KCNH7: variants seen among roughly 807,000 people sequenced by gnomAD.
KCNH7 encodes the protein voltage-gated inwardly rectifying potassium channel KCNH7.
KCNH7 carries 49 observed loss-of-function variants against 120.8 expected under a neutral mutation model. The ratio of observed to expected loss-of-function variants is 0.41; its 90% confidence interval spans 0.32 to 0.51. The LOEUF (loss-of-function observed/expected upper bound fraction) is 0.51, where lower values mean the gene tolerates loss of function less well. Among genes scored for constraint, KCNH7 ranks in the 20% least tolerant of loss-of-function variants. KCNH7 has a pLI of 0.38. For missense variants in KCNH7, 1,097 were observed against 1,446.6 expected, an observed-to-expected ratio of 0.76 and a Z score of 3.92; for synonymous variants, 547 against 516.1, an observed-to-expected ratio of 1.06 and a Z score of -0.81.
chr2:162,679,899 T>C lies in KCNH7; in HGVS notation c.308-142819A>G, dbSNP rs543059157. ...CTAAAAATGTATTTAAAGTTTGTAA[T>C]GTCTTTGGAATTTACAAATTTAAGG... On this transcript the variant is annotated intron_variant, in intron 2 of 15. Transcript: ENST00000332142. Among the ~76,000 whole-genome samples, 3 of 151,916 alleles carry C rather than the reference T, an allele frequency of 2.0e-5. No individual in the cohort carries two copies. In the Admixed American group the frequency reaches 2.0e-4, roughly 10 times the overall value.
chr2:162,837,251 T>C (rs1455558907), intron 1 of KCNH7, among the ~76,000 whole-genome samples: 1 of 152,234 alleles, frequency 6.6e-6, no homozygotes. Flanking sequence ...CTCTTAGGCA[T>C]GTTACACACA....
chr2:162,564,925 G>T (rs1693200719), intron 2 of KCNH7, among the ~76,000 whole-genome samples: 2 of 152,046 alleles, frequency 1.3e-5, no homozygotes, highest in South Asian at 2.1e-4. Flanking sequence ...TAACTCTAAT[G>T]TTGGGCTAGA....
chr2:162,800,806 T>A (rs182017650), intron 2 of KCNH7, among the ~76,000 whole-genome samples: 174 of 152,038 alleles, frequency 1.1e-3, no homozygotes, highest in Non-Finnish European at 1.5e-4. Context: ...ACCCTTATGA[T>A]GTTGCAGAAC....
chr2:162,584,846 AT>A (rs34171829), intron 2 of KCNH7, among the ~76,000 whole-genome samples: 84,609 of 136,332 alleles, frequency 0.62, 26,720 homozygotes, highest in African/African-American at 0.82. Context: ...TCTCCTTTTA[AT>A]TTTTTTTTTT....
At chr2:162,730,354 A>G (rs1485253547) in intron 2 of KCNH7, among the ~76,000 whole-genome samples, 1 of 151,336 alleles carries the variant, frequency 6.6e-6, no homozygotes, top group Admixed American at 6.6e-5. Flanking sequence ...TAAAAATTAC[A>G]TACTAGATAC....
At chr2:162,420,518 G>A (rs1362140007) in intron 9 of KCNH7, among the ~76,000 whole-genome samples, 1 of 152,164 alleles carries the variant, frequency 6.6e-6, no homozygotes, top group Non-Finnish European at 1.5e-5. Context: ...TGTTCCCACA[G>A]TGCTTTAAGT....
chr2:162,651,942 C>T (rs1409066757), intron 2 of KCNH7, among the ~76,000 whole-genome samples: 1 of 152,166 alleles, frequency 6.6e-6, no homozygotes, highest in Non-Finnish European at 1.5e-5. Flanking sequence ...ATTTGCATTT[C>T]TCTAATGATC....
chr2:162,558,654 G>A (rs897318469), intron 2 of KCNH7, among the ~76,000 whole-genome samples: 1 of 151,832 alleles, frequency 6.6e-6, no homozygotes. Flanking sequence ...CATGGTGATG[G>A]TAATAATGGT....
intron 9 of KCNH7, among the ~76,000 whole-genome samples, chr2:162,417,372 A>G (rs1322485098): frequency 1.3e-5 from 2 of 152,150 alleles, no homozygotes; most frequent in Non-Finnish European, 2.9e-5. Context: ...AACTGAATTG[A>G]GTTGAATTAT....
intron 5 of KCNH7, among the ~76,000 whole-genome samples, chr2:162,511,687 T>C (rs1275355580): frequency 6.6e-6 from 1 of 151,624 alleles, no homozygotes; most frequent in Non-Finnish European, 1.5e-5. Flanking sequence ...TTCATAACCA[T>C]CACCAGCTCT....
chr2:162,567,310 C>A (rs2105891461), intron 2 of KCNH7, among the ~76,000 whole-genome samples: 1 of 151,976 alleles, frequency 6.6e-6, no homozygotes. Flanking sequence ...TTCTTCCTGC[C>A]TTCCTTTCAG....
intron 3 of KCNH7, among the ~76,000 whole-genome samples, chr2:162,531,628 T>A (rs1268465335): frequency 6.6e-6 from 1 of 151,926 alleles, no homozygotes; most frequent in Non-Finnish European, 1.5e-5. Flanking sequence ...GGGTAAGAAG[T>A]TTTTTATGGT....
intron 2 of KCNH7, among the ~76,000 whole-genome samples, chr2:162,766,250 T>C (rs1202150989): frequency 6.6e-6 from 1 of 152,128 alleles, no homozygotes; most frequent in Non-Finnish European, 1.5e-5. Flanking sequence ...ATCAGGAAAG[T>C]TCAATTTCAG....
chr2:162,817,227 A>AC (rs951721376), intron 2 of KCNH7, among the ~76,000 whole-genome samples: 11 of 151,698 alleles, frequency 7.3e-5, no homozygotes, highest in African/African-American at 2.4e-4. Context: ...TCAATCCTTA[A>AC]CCCCCCGTCC....
intron 2 of KCNH7, among the ~76,000 whole-genome samples, chr2:162,729,132 A>T (rs771595058): frequency 3.4e-4 from 51 of 149,736 alleles, no homozygotes; most frequent in Non-Finnish European, 6.2e-4. Flanking sequence ...TCATCGATCT[A>T]TATGATTGTC....
At chr2:162,836,018 C>T (rs967163156) in intron 2 of KCNH7, among the ~76,000 whole-genome samples, 1 of 152,066 alleles carries the variant, frequency 6.6e-6, no homozygotes, top group Non-Finnish European at 1.5e-5. Flanking sequence ...GTAAAAGTTC[C>T]TATTTATCAT....
intron 2 of KCNH7, among the ~76,000 whole-genome samples, chr2:162,720,809 T>C (rs1687300222): frequency 1.3e-5 from 2 of 152,154 alleles, no homozygotes; most frequent in Non-Finnish European, 2.9e-5. Context: ...GTCTTCGACA[T>C]GAGTGACTCC....
At chr2:162,587,593 A>G (rs767555319) in intron 2 of KCNH7, among the ~76,000 whole-genome samples, 23 of 152,214 alleles carry the variant, frequency 1.5e-4, no homozygotes, top group Admixed American at 1.1e-3. Flanking sequence ...ACACACACGC[A>G]AGCACATTGT....
chr2:162,417,209 G>C (rs1289424273), intron 9 of KCNH7, among the ~76,000 whole-genome samples: 1 of 152,116 alleles, frequency 6.6e-6, no homozygotes, highest in African/African-American at 2.4e-5. Flanking sequence ...TGGATGCTTT[G>C]ATTCCATTAG....
Sources: allele counts gnomAD v4.1 joint callset (sites outside exome capture counted in the v4.1 genomes callset), GRCh38; gene constraint gnomAD v4.1.1; transcripts MANE v1.5; gene names NCBI Gene and HGNC (gene_info 2026-07-23, HGNC 2026-07-21).